WWOX: variants seen among roughly 807,000 people sequenced by gnomAD.
WWOX encodes WW domain-containing oxidoreductase.
In WWOX, 69 loss-of-function variants were observed where a neutral mutation model predicts 46.2. The observed-to-expected ratio is 1.49, with a 90% CI of 1.23 to 1.82. The LOEUF (loss-of-function observed/expected upper bound fraction) is 1.82, where lower values mean the gene tolerates loss of function less well. Among genes scored for constraint, WWOX ranks in the 40% most tolerant of loss-of-function variants. The pLI is 0.00. For synonymous variants in WWOX, 359 were observed against 202.6 expected, an observed-to-expected ratio of 1.77 and a Z score of -6.56; for missense variants, 919 against 542.6, an observed-to-expected ratio of 1.69 and a Z score of -6.89.
At chr16:78,906,014 GA>G (rs2044953916) in intron 8 of WWOX, among the ~76,000 whole-genome samples, 1 of 152,198 alleles carries the variant, frequency 6.6e-6, no homozygotes, top group African/African-American at 2.4e-5. Flanking sequence ...GTATTTTTGG[GA>G]TGAATGCAAT....
At chr16:78,397,687 A>G (rs2082319684) in intron 6 of WWOX, among the ~76,000 whole-genome samples, 1 of 152,220 alleles carries the variant, frequency 6.6e-6, no homozygotes, top group Non-Finnish European at 1.5e-5. Flanking sequence ...TAGTGGGACA[A>G]TTAGAAAGGT....
chr16:78,867,518 G>C (rs1478914126), intron 8 of WWOX, among the ~76,000 whole-genome samples: 2 of 150,900 alleles, frequency 1.3e-5, no homozygotes, highest in Non-Finnish European at 3.0e-5. Flanking sequence ...GTGTATGTGT[G>C]TGTGTTTTGT....
At chr16:79,047,582 C>T (rs758020260) in intron 8 of WWOX, among the ~76,000 whole-genome samples, 1 of 150,420 alleles carries the variant, frequency 6.6e-6, no homozygotes. Flanking sequence ...TAACAGATTA[C>T]TACAAATTTT....
At chr16:79,107,579 C>T (rs922529735) in intron 8 of WWOX, among the ~76,000 whole-genome samples, 2 of 152,174 alleles carry the variant, frequency 1.3e-5, no homozygotes, top group Non-Finnish European at 2.9e-5. Context: ...GACTTAGCAG[C>T]CTGATTTTTC....
intron 8 of WWOX, among the ~76,000 whole-genome samples, chr16:78,949,656 C>T (rs1406077467): frequency 6.6e-6 from 1 of 152,224 alleles, no homozygotes; most frequent in Non-Finnish European, 1.5e-5. Context: ...CGTGTTAACT[C>T]CATCTGGACA....
At chr16:78,967,480 T>TC (rs2151319102) in intron 8 of WWOX, among the ~76,000 whole-genome samples, 1 of 123,478 alleles carries the variant, frequency 8.1e-6, no homozygotes, top group East Asian at 2.0e-4. Flanking sequence ...TTTTTTTTTT[T>TC]TCCTGCTGAG....
At chr16:78,401,974 C>T (rs1158351480) in intron 6 of WWOX, among the ~76,000 whole-genome samples, 1 of 152,208 alleles carries the variant, frequency 6.6e-6, no homozygotes, top group Non-Finnish European at 1.5e-5. Flanking sequence ...GCTGGGATTA[C>T]AGGCGTGAGC....
At chr16:78,327,100 T>G (rs1043612350) in intron 5 of WWOX, among the ~76,000 whole-genome samples, 1 of 152,192 alleles carries the variant, frequency 6.6e-6, no homozygotes, top group African/African-American at 2.4e-5. Flanking sequence ...CCTGACCTTG[T>G]GACTTTCAAG....
chr16:78,258,094 T>G (rs2038179477), intron 5 of WWOX, among the ~76,000 whole-genome samples: 2 of 152,218 alleles, frequency 1.3e-5, no homozygotes, highest in African/African-American at 4.8e-5. Flanking sequence ...TATTAAAATA[T>G]TCTCCCTATA....
chr16:78,387,335 G>T (rs1055338063), intron 6 of WWOX, among the ~76,000 whole-genome samples: 18 of 152,162 alleles, frequency 1.2e-4, no homozygotes, highest in South Asian at 4.1e-4. Context: ...CAGTATGGCA[G>T]GGAGGTTGAC....
At chr16:78,520,775 T>A (rs773757208) in intron 8 of WWOX, among the ~76,000 whole-genome samples, 1 of 152,160 alleles carries the variant, frequency 6.6e-6, no homozygotes, top group Non-Finnish European at 1.5e-5. Context: ...GGGCCAGATA[T>A]TAGAACATCT....
intron 3 of WWOX, among the ~76,000 whole-genome samples, chr16:78,111,632 G>T (rs553959348): frequency 2.0e-5 from 3 of 152,096 alleles, no homozygotes; most frequent in Non-Finnish European, 2.9e-5. Context: ...TGGAAGGCTG[G>T]GTATTATCCA....
At chr16:78,367,786 C>T (rs532201516) in intron 5 of WWOX, among the ~76,000 whole-genome samples, 2 of 151,498 alleles carry the variant, frequency 1.3e-5, no homozygotes, top group Admixed American at 1.3e-4. Flanking sequence ...GAGATGGAGT[C>T]TCGCTCTGTC....
intron 8 of WWOX, among the ~76,000 whole-genome samples, chr16:78,613,265 G>C (rs927833711): frequency 3.3e-5 from 5 of 152,116 alleles, no homozygotes; most frequent in African/African-American, 7.2e-5. Context: ...TCCGGGCCTA[G>C]GGCAGGGATC....
chr16:78,878,896 A>C (rs2044285435), intron 8 of WWOX, among the ~76,000 whole-genome samples: 1 of 99,898 alleles, frequency 1.0e-5, no homozygotes, highest in African/African-American at 3.0e-5. Flanking sequence ...TCTCTACAAA[A>C]AAATGAAAAA....
At chr16:78,782,332 G>T (rs1567555991) in intron 8 of WWOX, among the ~76,000 whole-genome samples, 1 of 152,070 alleles carries the variant, frequency 6.6e-6, no homozygotes, top group African/African-American at 2.4e-5. Flanking sequence ...CATCCTCTCT[G>T]TTTTCCTACT....
chr16:78,754,180 A>T (rs1597552831), intron 8 of WWOX, among the ~76,000 whole-genome samples: 3 of 152,006 alleles, frequency 2.0e-5, no homozygotes, highest in African/African-American at 7.2e-5. Context: ...GTCCCTGGGG[A>T]TGCCATCTTC....
intron 8 of WWOX, among the ~76,000 whole-genome samples, chr16:78,476,296 C>G (rs976217634): frequency 1.3e-5 from 2 of 152,124 alleles, no homozygotes; most frequent in African/African-American, 2.4e-5. Flanking sequence ...CTGATCATAT[C>G]CTTCGCCCAC....
intron 8 of WWOX, among the ~76,000 whole-genome samples, chr16:79,065,329 C>G (rs902821139): frequency 2.6e-5 from 4 of 152,084 alleles, no homozygotes; most frequent in Non-Finnish European, 4.4e-5. Flanking sequence ...TTATTATTAC[C>G]CAAATCAGCC....
Sources: allele counts gnomAD v4.1 joint callset (sites outside exome capture counted in the v4.1 genomes callset), GRCh38; gene constraint gnomAD v4.1.1; transcripts MANE v1.5; gene names NCBI Gene and HGNC (gene_info 2026-07-23, HGNC 2026-07-21).